SZT2: variants seen among roughly 807,000 people sequenced by gnomAD.
SZT2 encodes the protein KICSTOR complex protein SZT2.
In SZT2, 216 loss-of-function variants were observed where a neutral mutation model predicts 404.2. That is an observed-to-expected ratio of 0.53 (90% CI 0.48 to 0.60). The LOEUF (loss-of-function observed/expected upper bound fraction) is 0.60, where lower values mean the gene tolerates loss of function less well. SZT2 is among the 20% of genes least tolerant of loss of function. SZT2 has a pLI of 0.00. For synonymous variants in SZT2, 1,693 were observed against 1,749.9 expected (o/e 0.97, Z 0.81); for missense variants, 3,857 against 4,459.2 (o/e 0.86, Z 3.85).
rs144368408 is a variant in SZT2 at position 43,416,449 on chromosome 1, C to T, written c.773-86C>T. 2.5e-4 allele frequency: 270 copies of T among 1,068,812 alleles called. 3 individuals carry two copies. In the East Asian group the frequency reaches 5.9e-3, roughly 24 times the overall value. 66.2% of individuals were successfully genotyped at this position (1,068,812 alleles called of 1,614,324 possible). A position where few individuals can be genotyped will look rare whatever the true frequency, so the allele number is the denominator to read the frequency against. On this transcript the variant is annotated intron_variant, in intron 6 of 71. Transcript: ENST00000634258. The stretch of plus-strand genomic sequence containing the variant: ...CGACATTGGTGGGAAGACACTGAGC[C>T]GTTCAGGACCCTGTCAGTTGGGTGC...
intron 4 of SZT2, chr1:43,405,952 A>G (rs839768): frequency 0.35 from 53,414 of 152,300 alleles, 9,840 homozygotes; most frequent in Middle Eastern, 0.45. Context: ...GGGGGAGATA[A>G]ATATTAAAGG....
Position 43,441,287 on chromosome 1 carries a change from C to T in SZT2, c.7418C>T (p.Thr2473Ile), listed in dbSNP as rs759697344. 8 of 1,614,254 alleles carry T rather than the reference C, an allele frequency of 5.0e-6. No homozygotes were observed. The Admixed American group carries it at 1.2e-4, about 24-fold the overall frequency. The change falls in exon 53 of 72, where the codon ACT becomes ATT. Residue 2473 changes from threonine (T) to isoleucine (I), a missense_variant. By Grantham distance (89) the Thr-to-Ile change is moderately conservative (BLOSUM62 -1). This residue lies in a region of SZT2 where 573 missense variants were observed against 592.4 expected (regional missense o/e 0.97). Transcript: ENST00000634258. This position sits in a 1 kb window ranked among gnomAD's most constrained non-coding sequence, Gnocchi z 4.8. The part of the protein sequence containing the change: ...DDIVLDRPED[T>I]RGRRRHKTES... Reference sequence around the variant, plus strand: ...ATTGTCCTGGATCGGCCAGAAGACACTCGGGGCCGGAGGCGTCACAAAACC... The same window carrying T: ...ATTGTCCTGGATCGGCCAGAAGACATTCGGGGCCGGAGGCGTCACAAAACC...
At position 43,424,242 on chromosome 1, in the gene SZT2, C is replaced by G. The variant is rs377583230; in HGVS notation, c.2281C>G (p.Arg761Gly). Residue 761 changes from arginine (R) to glycine (G), a missense_variant, in exon 16 of 72, where the codon CGG (arginine) becomes GGG (glycine). Transcript: ENST00000634258. This position sits in a 1 kb window ranked among gnomAD's most constrained non-coding sequence, Gnocchi z 4.1. ...IRYEKLPLDY[R>G]APFLLTLEPP... ...GTATGAGAAGCTGCCCTTGGACTAC[C>G]GGGCACCCTTCTTGCTGACATTGGA... is the stretch of plus-strand genomic sequence containing the variant. The G allele has an allele frequency of 2.5e-6, 4 of 1,597,756 alleles. No individual in the cohort carries two copies. Among genetic ancestry groups the G allele is most frequent in the Non-Finnish European group, 3.4e-6 (4 of 1,179,500 alleles).
In SZT2 at chr1:43,438,831, T is replaced by A. The variant is rs537615245; in HGVS notation, c.6627+14T>A. On this transcript the variant is annotated intron_variant, in intron 47 of 71. Coordinates refer to ENST00000634258, the MANE Select transcript of SZT2 (RefSeq NM_001365999.1). ...GCTGATGTGGAGGTCAGCTCCCCTC[T>A]AGGCACCAGCATCCTTCCCAGACTC... 2 of 1,612,038 alleles carry A rather than the reference T, an allele frequency of 1.2e-6. No individual in the cohort carries two copies. The highest frequency in any genetic ancestry group is 2.7e-5 in the African/African-American group (2 of 75,008).
Position 43,424,180 on chromosome 1 carries a change from A to T in SZT2, c.2256-37A>T. 1 of 1,568,548 alleles carries T rather than the reference A, an allele frequency of 6.4e-7. No individual in the cohort carries two copies. The highest frequency in any genetic ancestry group is 8.6e-7 in the Non-Finnish European group (1 of 1,158,578). ...GTGGAAGGGCGTGGCTTAGCCGGGG[A>T]TGAGAGAGATAGCTGGGGAGTTGTC... On this transcript the variant is annotated intron_variant, in intron 15 of 71. Coordinates refer to ENST00000634258, the MANE Select transcript of SZT2 (RefSeq NM_001365999.1). The surrounding 1 kb of genome is among the most constrained non-coding windows in gnomAD (Gnocchi z 4.1).
At chr1:43,399,402 A>G (rs960165532) in intron 1 of SZT2, among the ~76,000 whole-genome samples, 2 of 150,836 alleles carry the variant, frequency 1.3e-5, no homozygotes, top group Non-Finnish European at 2.9e-5. Context: ...AGCCACTGTC[A>G]TCTCCCCTAG....
Position 43,437,016 on chromosome 1 carries a change from C to A in SZT2, c.6035-155C>A. ...TTCCTAAGGGCATGCATCTGCCTGG[C>A]CCTGTCGTGTTACCCAGAATGATCA... On this transcript the variant is annotated intron_variant, in intron 42 of 71. Transcript: ENST00000634258. The surrounding 1 kb of genome is among the most constrained non-coding windows in gnomAD (Gnocchi z 5.3). 2.1e-6 allele frequency: 2 copies of A among 960,482 alleles called. No homozygotes were observed. Among genetic ancestry groups the A allele is most frequent in the Non-Finnish European group, 3.1e-6 (2 of 644,052 alleles). 59.5% of individuals were successfully genotyped at this position (960,482 alleles called of 1,614,324 possible). A position where few individuals can be genotyped will look rare whatever the true frequency, so the allele number is the denominator to read the frequency against.
At position 43,439,475 on chromosome 1, in the gene SZT2, C is replaced by T. The variant is rs1654829198; in HGVS notation, c.6877+33C>T. 2 of 1,598,182 alleles carry T rather than the reference C, an allele frequency of 1.3e-6. No individual in the cohort carries two copies. Among genetic ancestry groups the T allele is most frequent in the Non-Finnish European group, 1.7e-6 (2 of 1,170,736 alleles). ...GCAGGGCACGGGCCTGTGGCACCACCAGGTGAGGGAAAGCCTTTTGTCATC... is the reference window on the plus strand; with the variant it reads ...GCAGGGCACGGGCCTGTGGCACCACTAGGTGAGGGAAAGCCTTTTGTCATC... On this transcript the variant is annotated intron_variant, in intron 49 of 71. Coordinates refer to ENST00000634258, the MANE Select transcript of SZT2 (RefSeq NM_001365999.1). This position sits in a 1 kb window ranked among gnomAD's most constrained non-coding sequence, Gnocchi z 4.2.
In SZT2 at chr1:43,413,393, A is replaced by G. The variant is rs575870944; in HGVS notation, c.499-1689A>G. ...CAAGACTCCATCTCAAACAAAAAAC[A>G]AAACAAAACAAAACTGAAAATAGAG... is the stretch of plus-strand genomic sequence containing the variant. On this transcript the variant is annotated intron_variant, in intron 4 of 71. Transcript: ENST00000634258. Among the ~76,000 whole-genome samples the G allele has an allele frequency of 2.0e-5, 3 of 152,316 alleles. No homozygotes were observed. The South Asian group carries it at 6.2e-4, about 32-fold the overall frequency.
chr1:43,426,057 C>CA lies in SZT2; in HGVS notation c.2950dup (p.Thr984AsnfsTer5). 6.2e-7 allele frequency: 1 copy of CA among 1,614,102 alleles called. No homozygotes were observed. The highest frequency in any genetic ancestry group is 8.5e-7 in the Non-Finnish European group (1 of 1,179,998). Reference sequence around the variant, plus strand: ...TCGTAGGATTGGATCAGGGAGGAGACACCTGCGTCCATGAGATCCCTTTCC... The same window carrying CA: ...TCGTAGGATTGGATCAGGGAGGAGACAACCTGCGTCCATGAGATCCCTTTCC... On this transcript the variant is annotated frameshift_variant, in exon 21 of 72. Coordinates refer to ENST00000634258, the MANE Select transcript of SZT2 (RefSeq NM_001365999.1). LOFTEE classifies it high-confidence loss of function. This position sits in a 1 kb window ranked among gnomAD's most constrained non-coding sequence, Gnocchi z 4.9.
At position 43,453,836 on chromosome 1, in the gene SZT2, G is replaced by GCGGCGGC; in HGVS notation, c.*3362_*3363insCCGGCGG. On this transcript the variant is annotated 3_prime_UTR_variant, in exon 72 of 72. Transcript: ENST00000634258. ...CGGGCGGAGTCCGCGGGATCCAAAG[G>GCGGCGGC]CGGCGGGCGGCGGGCGGCGGGCGGC... 8.2e-7 allele frequency: 1 copy of GCGGCGGC among 1,222,230 alleles called. No homozygotes were observed. The allele number at this position is 1,222,230 out of a possible 1,614,324, so 75.7% of individuals were successfully genotyped here.
chr1:43,447,552 G>A lies in SZT2; in HGVS notation c.9294G>A (p.Leu3098=). Residue 3098 remains leucine, a synonymous_variant, in exon 67 of 72, where the codon TTG becomes TTA. Transcript: ENST00000634258. ...FGRNHIYQGT[L]ELPTPLIAAH... Reference sequence around the variant, plus strand: ...CTGTTACTTATCCCTCAGGGACATTGGAGCTCCCCACACCACTCATTGCTG... The same window carrying A: ...CTGTTACTTATCCCTCAGGGACATTAGAGCTCCCCACACCACTCATTGCTG... The A allele has an allele frequency of 6.2e-7, 1 of 1,613,826 alleles. No homozygotes were observed. Among genetic ancestry groups the A allele is most frequent in the African/African-American group, 1.3e-5 (1 of 75,038 alleles).
In SZT2 at chr1:43,426,410, A is replaced by G. The variant is rs1653149799; in HGVS notation, c.3086A>G (p.Asn1029Ser). The G allele has an allele frequency of 1.3e-6, 2 of 1,589,876 alleles. No homozygotes were observed. Among genetic ancestry groups the G allele is most frequent in the Non-Finnish European group, 8.5e-7 (1 of 1,175,458 alleles). Reference protein sequence around the residue: ...VPFAEGSCPANDMVLCLLHSC... With the variant: ...VPFAEGSCPASDMVLCLLHSC... Reference sequence around the variant, plus strand: ...TTCGCCGAGGGGTCCTGTCCTGCCAACGACATGGTGCTGTGCCTGCTGCAC... The same window carrying G: ...TTCGCCGAGGGGTCCTGTCCTGCCAGCGACATGGTGCTGTGCCTGCTGCAC... The change falls in exon 22 of 72, where the codon AAC becomes AGC. Residue 1029 changes from asparagine to serine, a missense_variant. Coordinates refer to ENST00000634258, the MANE Select transcript of SZT2 (RefSeq NM_001365999.1). The surrounding 1 kb of genome is among the most constrained non-coding windows in gnomAD (Gnocchi z 4.9).
At chr1:43,431,609 G>A in intron 35 of SZT2, 86 bp downstream of exon 35, 1 of 1,600,758 alleles carries the variant, frequency 6.2e-7, no homozygotes, top group Non-Finnish European at 8.6e-7. Context: ...TGGGATAGAA[G>A]TGAGGCCTCT....
At position 43,442,494 on chromosome 1, in the gene SZT2, G is replaced by T. The variant is rs758138686; in HGVS notation, c.8027G>T (p.Arg2676Leu). 1.9e-6 allele frequency: 3 copies of T among 1,614,144 alleles called. No homozygotes were observed. The South Asian group carries it at 3.3e-5, about 18-fold the overall frequency. Residue 2676 changes from arginine (R) to leucine (L), a missense_variant, in exon 58 of 72, where the codon CGA becomes CTA. Transcript: ENST00000634258. This position sits in a 1 kb window ranked among gnomAD's most constrained non-coding sequence, Gnocchi z 4.5. The part of the protein sequence containing the change: ...WAPDLGAALG[R>L]ALVRLVQWQN... ...CCAGACCTGGGGGCAGCATTGGGCC[G>T]AGCGCTGGTTCGCCTGGTGCAGTGG...
Position 43,395,465 on chromosome 1 carries a change from A to C in SZT2, c.27+5470A>C, listed in dbSNP as rs1035267927. Among the ~76,000 whole-genome samples the C allele has an allele frequency of 3.9e-5, 6 of 152,162 alleles. No homozygotes were observed. In the South Asian group the frequency reaches 1.2e-3, roughly 32 times the overall value. Reference sequence around the variant, plus strand: ...AGCCACATGACACTACACCCAGCTAATTTTCATAATTTTTTGTAGAGACAG... The same window carrying C: ...AGCCACATGACACTACACCCAGCTACTTTTCATAATTTTTTGTAGAGACAG... On this transcript the variant is annotated intron_variant, in intron 1 of 71. Transcript: ENST00000634258.
intron 26 of SZT2, 129 bp from the exon 27 acceptor site, chr1:43,427,874 T>G (rs1427135574): frequency 7.5e-7 from 1 of 1,329,286 alleles, no homozygotes; most frequent in Non-Finnish European, 1.0e-6. Flanking sequence ...CAGCAAACCC[T>G]TGAACTTGCT....
chr1:43,421,723 C>T (rs984953779), intron 11 of SZT2, among the ~76,000 whole-genome samples: 8 of 152,244 alleles, frequency 5.3e-5, no homozygotes, highest in East Asian at 1.9e-4. Flanking sequence ...ACTCAGTCCA[C>T]GCTGTCAGCC....
chr1:43,453,810 C>G lies in SZT2; in HGVS notation c.*3330C>G. On this transcript the variant is annotated 3_prime_UTR_variant, in exon 72 of 72. Transcript: ENST00000634258. ...CGGCGCCATGCCTGGGGAGGCCGGG[C>G]CGGGCGGAGTCCGCGGGATCCAAAG... 8.0e-7 allele frequency: 1 copy of G among 1,250,836 alleles called. No individual in the cohort carries two copies. Among genetic ancestry groups the G allele is most frequent in the Non-Finnish European group, 1.0e-6 (1 of 1,000,102 alleles). The allele number at this position is 1,250,836 out of a possible 1,614,324, so 77.5% of individuals were successfully genotyped here.
Sources: allele counts gnomAD v4.1 joint callset (sites outside exome capture counted in the v4.1 genomes callset), GRCh38; gene constraint gnomAD v4.1.1; regional missense constraint gnomAD v4.1.1; non-coding constraint Gnocchi (gnomAD v3.1); transcripts MANE v1.5; gene names NCBI Gene and HGNC (gene_info 2026-07-23, HGNC 2026-07-21).